ATP2A3: variants seen among roughly 807,000 people sequenced by gnomAD.
ATP2A3 encodes sarcoplasmic/endoplasmic reticulum calcium ATPase 3.
A neutral mutation model predicts 106.8 loss-of-function variants in ATP2A3; 61 were observed. That is an observed-to-expected ratio of 0.57 (90% confidence interval 0.46 to 0.71). ATP2A3 has a LOEUF of 0.71. Among genes scored for constraint, ATP2A3 ranks in the 30% least tolerant of loss-of-function variants. ATP2A3 has a pLI of 0.00. For synonymous variants in ATP2A3, 611 were observed against 609.3 expected (o/e 1.00, Z -0.04); for missense variants, 1,201 against 1,423.5 (o/e 0.84, Z 2.52).
At position 3,928,311 on chromosome 17, in the gene ATP2A3, G is replaced by T; in HGVS notation, c.2980+352C>A. ...AGGCCTGCGAGACTGTCCTGAGAAG[G>T]CCTGGATAAAGACAGGCTGGGTGCA... On this transcript the variant is annotated intron_variant, in intron 20 of 20. Transcript: ENST00000397041. The surrounding 1 kb of genome is among the most constrained non-coding windows in gnomAD (Gnocchi z 6.1). 6.2e-7 allele frequency: 1 copy of T among 1,613,176 alleles called. No individual in the cohort carries two copies. The highest frequency in any genetic ancestry group is 8.5e-7 in the Non-Finnish European group (1 of 1,180,006).
chr17:3,934,027 G>A (rs936065017), intron 17 of ATP2A3, among the ~76,000 whole-genome samples: 1 of 151,098 alleles, frequency 6.6e-6, no homozygotes. Context: ...GGGTTCAAGC[G>A]ATTCTCCTGC....
Position 3,941,623 on chromosome 17 carries a change from C to T in ATP2A3, c.1577G>A (p.Ser526Asn), listed in dbSNP as rs968475128. The change falls in exon 13 of 21, where the codon AGC becomes AAC. Residue 526 changes from serine to asparagine, a missense_variant. Ser to Asn is a conservative substitution (Grantham distance 46, BLOSUM62 1). Coordinates refer to ENST00000397041, the MANE Select transcript of ATP2A3 (RefSeq NM_005173.4). ...GAPESVIERC[S>N]SVRVGSRTAP... is the part of the protein sequence containing the mutation. Reference sequence around the variant, plus strand: ...TGTGCGGCTCCCCACGCGGACTGAGCTACAGCGCTCGATCACACTCTCAGG... The same window carrying T: ...TGTGCGGCTCCCCACGCGGACTGAGTTACAGCGCTCGATCACACTCTCAGG... The T allele has an allele frequency of 1.9e-6, 3 of 1,610,050 alleles. No homozygotes were observed. Among genetic ancestry groups the T allele is most frequent in the Non-Finnish European group, 2.5e-6 (3 of 1,180,024 alleles).
Position 3,925,178 on chromosome 17 carries a change from C to T in ATP2A3, c.*244G>A. 1 of 624,412 alleles carries T rather than the reference C, an allele frequency of 1.6e-6. No individual in the cohort carries two copies. Among genetic ancestry groups the T allele is most frequent in the South Asian group, 2.0e-5 (1 of 50,864 alleles). 38.7% of individuals were successfully genotyped at this position (624,412 alleles called of 1,614,324 possible). A position where few individuals can be genotyped will look rare whatever the true frequency, so the allele number is the denominator to read the frequency against. On this transcript the variant is annotated 3_prime_UTR_variant, in exon 21 of 21. Transcript: ENST00000397041. The surrounding 1 kb of genome is among the most constrained non-coding windows in gnomAD (Gnocchi z 4.2). The stretch of plus-strand genomic sequence containing the variant: ...CAGCTCCTGGGCCAGAGCTGCAGAG[C>T]AGGGAACTTCCCAGGAGAGTCCAGG...
intron 3 of ATP2A3, among the ~76,000 whole-genome samples, chr17:3,952,472 G>A (rs1375298494): frequency 6.6e-6 from 1 of 152,202 alleles, no homozygotes; most frequent in Non-Finnish European, 1.5e-5. Flanking sequence ...AGAGGAGGCT[G>A]CAAGAGGTTC....
At position 3,925,526 on chromosome 17, in the gene ATP2A3, C is replaced by T. The variant is rs2052657500; in HGVS notation, c.2981-85G>A. 3 of 1,517,778 alleles carry T rather than the reference C, an allele frequency of 2.0e-6. No individual in the cohort carries two copies. Among genetic ancestry groups the T allele is most frequent in the South Asian group, 2.4e-5 (2 of 84,302 alleles). The allele number at this position is 1,517,778 out of a possible 1,614,324, so 94.0% of individuals were successfully genotyped here. On this transcript the variant is annotated intron_variant, in intron 20 of 20. Coordinates refer to ENST00000397041, the MANE Select transcript of ATP2A3 (RefSeq NM_005173.4). This position sits in a 1 kb window ranked among gnomAD's most constrained non-coding sequence, Gnocchi z 4.2. Reference sequence around the variant, plus strand: ...CTTCCTTCCAGCCCCTTCCATCCTCCACTTCTCCCAGGACAGCCCCAGGCT... The same window carrying T: ...CTTCCTTCCAGCCCCTTCCATCCTCTACTTCTCCCAGGACAGCCCCAGGCT...
Position 3,926,768 on chromosome 17 carries a change from C to T in ATP2A3, c.2981-1327G>A. On this transcript the variant is annotated intron_variant, in intron 20 of 20. Coordinates refer to ENST00000397041, the MANE Select transcript of ATP2A3 (RefSeq NM_005173.4). This position sits in a 1 kb window ranked among gnomAD's most constrained non-coding sequence, Gnocchi z 4.6. ...TATCTTTAGTAGAGATGGGGTTTCA[C>T]CATGTTGGCCAGGCTGGTCTCTAAC... The T allele has an allele frequency of 1.3e-6, 1 of 752,038 alleles. No homozygotes were observed. Among genetic ancestry groups the T allele is most frequent in the Non-Finnish European group, 1.6e-6 (1 of 616,838 alleles). 46.6% of individuals were successfully genotyped at this position (752,038 alleles called of 1,614,324 possible).
In ATP2A3 at chr17:3,955,887, A is replaced by ATT. The variant is rs67730207; in HGVS notation, c.119-2179_119-2178dup. Among the ~76,000 whole-genome samples, 37 of 144,018 alleles carry ATT rather than the reference A, an allele frequency of 2.6e-4. No homozygotes were observed. Among genetic ancestry groups the ATT allele is most frequent in the Non-Finnish European group, 3.8e-4 (25 of 66,496 alleles). 94.5% of individuals were successfully genotyped at this position (144,018 alleles called of 152,430 possible). A position where few individuals can be genotyped will look rare whatever the true frequency, so the allele number is the denominator to read the frequency against. ...CCTTTCTCTTATTTTATTTTATTTT[A>ATT]TTTTTTTTTTTTGAGATGGAGTCTT... On this transcript the variant is annotated intron_variant, in intron 1 of 20. Transcript: ENST00000397041. The surrounding 1 kb of genome is among the most constrained non-coding windows in gnomAD (Gnocchi z 4.2).
chr17:3,961,578 C>G (rs1431491127), intron 1 of ATP2A3, among the ~76,000 whole-genome samples: 1 of 152,224 alleles, frequency 6.6e-6, no homozygotes, highest in Non-Finnish European at 1.5e-5. Flanking sequence ...AATTTGCAAG[C>G]TTCAGGACTT....
rs549132168 is a variant in ATP2A3, at chr17:3,953,368, C to A, written c.198G>T (p.Leu66=). Reference sequence around the variant, plus strand: ...TTACAAAGGAGACAAGGGCAGCCAGCAGCAGGATGCGCACCAGGAGGTCCT... The same window carrying A: ...TTACAAAGGAGACAAGGGCAGCCAGAAGCAGGATGCGCACCAGGAGGTCCT... ...QFEDLLVRIL[L]LAALVSFVLA... Residue 66 remains leucine (L), a synonymous_variant, in exon 3 of 21, where the codon CTG becomes CTT. Coordinates refer to ENST00000397041, the MANE Select transcript of ATP2A3 (RefSeq NM_005173.4). This position sits in a 1 kb window ranked among gnomAD's most constrained non-coding sequence, Gnocchi z 5.1. The A allele has an allele frequency of 6.2e-7, 1 of 1,614,054 alleles. No homozygotes were observed. The highest frequency in any genetic ancestry group is 1.1e-5 in the South Asian group (1 of 91,082).
intron 4 of ATP2A3, 35 bp downstream of exon 4, chr17:3,951,546 G>GCCCCCCCCCCCCGACCCCCC: frequency 7.6e-7 from 1 of 1,319,570 alleles, no homozygotes; most frequent in Non-Finnish European, 1.0e-6. Context: ...CTGGGAGACC[G>GCCCCCCCCCCCCGACCCCCC]CCCCCCGCCC....
rs1044680218 is a variant in ATP2A3 at position 3,945,009 on chromosome 17, T to C, written c.1184+51A>G. 8 of 1,422,002 alleles carry C rather than the reference T, an allele frequency of 5.6e-6. No homozygotes were observed. In the African/African-American group the frequency reaches 9.2e-5, roughly 16 times the overall value. 88.1% of individuals were successfully genotyped at this position (1,422,002 alleles called of 1,614,324 possible). A position where few individuals can be genotyped will look rare whatever the true frequency, so the allele number is the denominator to read the frequency against. On this transcript the variant is annotated intron_variant, in intron 9 of 20. Transcript: ENST00000397041. ...ACGGCCACCTCGGCGCCGCCACGCGTGGCCCCGCCCCCAGGCCGCCCGCCC... is the reference window on the plus strand; with the variant it reads ...ACGGCCACCTCGGCGCCGCCACGCGCGGCCCCGCCCCCAGGCCGCCCGCCC...
Position 3,937,624 on chromosome 17 carries a change from C to T in ATP2A3, c.2113G>A (p.Val705Met), listed in dbSNP as rs1457256741. Residue 705 changes from valine to methionine, a missense_variant, in exon 15 of 21, where the codon GTG becomes ATG. Coordinates refer to ENST00000397041, the MANE Select transcript of ATP2A3 (RefSeq NM_005173.4). ...NEITAMTGDG[V>M]NDAPALKKAE... ...TTCTTCAGGGCTGGTGCGTCGTTCA[C>T]TCCATCGCCAGTCTGTGGGCCAGGT... 6.2e-7 allele frequency: 1 copy of T among 1,613,868 alleles called. No individual in the cohort carries two copies. Among genetic ancestry groups the T allele is most frequent in the South Asian group, 1.1e-5 (1 of 91,054 alleles).
At position 3,943,375 on chromosome 17, in the gene ATP2A3, C is replaced by A; in HGVS notation, c.1419+16G>T. The A allele has an allele frequency of 6.2e-7, 1 of 1,613,438 alleles. No homozygotes were observed. Among genetic ancestry groups the A allele is most frequent in the Non-Finnish European group, 8.5e-7 (1 of 1,179,970 alleles). On this transcript the variant is annotated intron_variant, in intron 11 of 20. Coordinates refer to ENST00000397041, the MANE Select transcript of ATP2A3 (RefSeq NM_005173.4). Reference sequence around the variant, plus strand: ...CAGCCATGCAGCCGGAGGCCTGAGCCCCCAGCCCTGCTCACCGTGTTACAG... The same window carrying A: ...CAGCCATGCAGCCGGAGGCCTGAGCACCCAGCCCTGCTCACCGTGTTACAG...
At chr17:3,958,145 C>T (rs536406209) in intron 1 of ATP2A3, among the ~76,000 whole-genome samples, 1 of 152,370 alleles carries the variant, frequency 6.6e-6, no homozygotes, top group African/African-American at 2.4e-5. Flanking sequence ...TCTGTGGCCA[C>T]AGGCCAGTTA....
intron 6 of ATP2A3, 27 bp downstream of exon 6, chr17:3,950,666 G>A (rs1321445342): frequency 6.2e-7 from 1 of 1,613,712 alleles, no homozygotes; most frequent in Admixed American, 1.7e-5. Flanking sequence ...GGCCCACTAG[G>A]TCCCGGCCTC....
intron 1 of ATP2A3, among the ~76,000 whole-genome samples, chr17:3,958,313 G>A (rs1175662078): frequency 2.0e-5 from 3 of 152,260 alleles, no homozygotes; most frequent in East Asian, 3.9e-4. Flanking sequence ...TAGAATATAA[G>A]CTCTAGGGCA....
At chr17:3,949,294 G>C (rs1452566996) in intron 7 of ATP2A3, among the ~76,000 whole-genome samples, 1 of 152,160 alleles carries the variant, frequency 6.6e-6, no homozygotes, top group East Asian at 1.9e-4. Context: ...GCTGGCCTCA[G>C]GCTACTGCGG....
At chr17:3,957,316 G>C (rs1423070670) in intron 1 of ATP2A3, among the ~76,000 whole-genome samples, 1 of 152,222 alleles carries the variant, frequency 6.6e-6, no homozygotes, top group Admixed American at 6.5e-5. Context: ...AGCTCAGGCA[G>C]TCTGGTTCTC....
chr17:3,941,047 C>G lies in ATP2A3; in HGVS notation c.2024G>C (p.Cys675Ser). 1 of 1,613,790 alleles carries G rather than the reference C, an allele frequency of 6.2e-7. No individual in the cohort carries two copies. Among genetic ancestry groups the G allele is most frequent in the Non-Finnish European group, 8.5e-7 (1 of 1,179,760 alleles). The change falls in exon 14 of 21, where the codon TGC becomes TCC. Residue 675 changes from cysteine to serine, a missense_variant. By Grantham distance (112) the Cys-to-Ser change is moderately radical (BLOSUM62 -1). This residue lies in a region of ATP2A3 where 935 missense variants were observed against 1,176.7 expected (regional missense o/e 0.79). Coordinates refer to ENST00000397041, the MANE Select transcript of ATP2A3 (RefSeq NM_005173.4). ...GTGTGCGGGCTCCACGCGGGCGAAG[C>G]AGCGGGCGGTGCGGCAGGCCTGGCG... The part of the protein sequence containing the change: ...QQRQACRTAR[C>S]FARVEPAHKS...
Sources: gnomAD v4.1 joint callset for allele counts (sites outside exome capture counted in the v4.1 genomes callset) on GRCh38, gnomAD v4.1.1 for gene constraint, gnomAD v4.1.1 regional missense constraint, Gnocchi (gnomAD v3.1) non-coding constraint, MANE v1.5 for transcripts, NCBI Gene and HGNC (gene_info 2026-07-23, HGNC 2026-07-21) for gene names.